DENND1B: variants seen among roughly 807,000 people sequenced by gnomAD.
DENND1B encodes the protein DENN domain-containing protein 1B.
In DENND1B, 59 loss-of-function variants were observed where a neutral mutation model predicts 90.1. The ratio of observed to expected loss-of-function variants is 0.65; its 90% CI spans 0.53 to 0.81. The LOEUF is 0.81. DENND1B is among the 40% of genes least tolerant of loss of function. The pLI, the probability that DENND1B is intolerant of heterozygous loss-of-function variation, is 0.00. For synonymous variants in DENND1B, 337 were observed against 324.6 expected, an observed-to-expected ratio of 1.04 and a Z score of -0.41; for missense variants, 862 against 912.6, an observed-to-expected ratio of 0.94 and a Z score of 0.71.
chr1:197,723,558 T>C (rs1463170506), intron 2 of DENND1B, among the ~76,000 whole-genome samples: 2 of 152,180 alleles, frequency 1.3e-5, no homozygotes, highest in African/African-American at 4.8e-5. Context: ...ATTTTTCAGA[T>C]ACTAATCATT....
At chr1:197,646,642 G>C (rs927709490) in intron 8 of DENND1B, among the ~76,000 whole-genome samples, 1 of 151,938 alleles carries the variant, frequency 6.6e-6, no homozygotes, top group South Asian at 2.1e-4. Flanking sequence ...AGTTGAACTA[G>C]TCAGAACAAG....
At chr1:197,626,777 G>C (rs571594557) in intron 10 of DENND1B, among the ~76,000 whole-genome samples, 1 of 151,798 alleles carries the variant, frequency 6.6e-6, no homozygotes, top group South Asian at 2.1e-4. Flanking sequence ...TTGATAGACC[G>C]CTAGCAAGAC....
intron 10 of DENND1B, among the ~76,000 whole-genome samples, chr1:197,623,421 C>T (rs752898472): frequency 4.0e-5 from 6 of 151,196 alleles, no homozygotes; most frequent in East Asian, 1.9e-4. Flanking sequence ...AGACCAAAAA[C>T]GGGAGCAGCA....
At position 197,506,590 on chromosome 1, in the gene DENND1B, A is replaced by G. The variant is rs543686286; in HGVS notation, c.*3870T>C. On this transcript the variant is annotated 3_prime_UTR_variant, in exon 23 of 23. Coordinates refer to ENST00000620048, the MANE Select transcript of DENND1B (RefSeq NM_001195215.2). ...ATTTTCTACAAGAGAATGAAGGTCT[A>G]TTGATTATGAGACATTCACAGTGTT... The G allele has an allele frequency of 2.0e-5, 3 of 151,648 alleles. No individual in the cohort carries two copies. The highest frequency in any genetic ancestry group is 4.1e-4 in the South Asian group (2 of 4,826). The allele number at this position is 151,648 out of a possible 1,614,324, so 9.4% of individuals were successfully genotyped here. A position where few individuals can be genotyped will look rare whatever the true frequency, so the allele number is the denominator to read the frequency against.
chr1:197,551,192 A>G (rs1443503539), intron 16 of DENND1B, among the ~76,000 whole-genome samples: 1 of 151,960 alleles, frequency 6.6e-6, no homozygotes, highest in Non-Finnish European at 1.5e-5. Flanking sequence ...TTTTATTTCA[A>G]ATCCTAACAC....
chr1:197,592,604 A>G (rs1160001006), intron 14 of DENND1B, among the ~76,000 whole-genome samples: 1 of 152,198 alleles, frequency 6.6e-6, no homozygotes. Flanking sequence ...GTTGCCAGGA[A>G]GAAAGAACAC....
At chr1:197,567,811 C>T (rs548162092) in intron 15 of DENND1B, among the ~76,000 whole-genome samples, 1 of 152,128 alleles carries the variant, frequency 6.6e-6, no homozygotes, top group South Asian at 2.1e-4. Flanking sequence ...ATTTATCTCA[C>T]CACAATAAAA....
intron 15 of DENND1B, among the ~76,000 whole-genome samples, chr1:197,566,207 T>C (rs1460992099): frequency 5.3e-5 from 8 of 152,166 alleles, no homozygotes; most frequent in South Asian, 4.2e-4. Context: ...TGGTATCTCA[T>C]TGTGGTTTTT....
intron 13 of DENND1B, among the ~76,000 whole-genome samples, chr1:197,605,169 T>C (rs1200113607): frequency 2.0e-5 from 3 of 151,198 alleles, no homozygotes; most frequent in African/African-American, 7.2e-5. Flanking sequence ...TTGTCATTTA[T>C]GAGTAAATAA....
At chr1:197,615,906 C>T (rs1448242031) in intron 11 of DENND1B, among the ~76,000 whole-genome samples, 1 of 150,746 alleles carries the variant, frequency 6.6e-6, no homozygotes, top group Non-Finnish European at 1.5e-5. Context: ...AAAGAAAATT[C>T]CAGGGACTGA....
At chr1:197,695,129 G>C (rs1658299331) in intron 3 of DENND1B, among the ~76,000 whole-genome samples, 1 of 151,106 alleles carries the variant, frequency 6.6e-6, no homozygotes, top group Admixed American at 6.6e-5. Flanking sequence ...GTTTTGCCTT[G>C]AGCTTCCTAA....
At chr1:197,584,425 G>A (rs959054591) in intron 14 of DENND1B, among the ~76,000 whole-genome samples, 2 of 152,074 alleles carry the variant, frequency 1.3e-5, no homozygotes, top group Admixed American at 6.6e-5. Context: ...AGCCACATTT[G>A]AACCGCTCAA....
At chr1:197,629,319 C>T (rs935358408) in intron 10 of DENND1B, among the ~76,000 whole-genome samples, 7 of 152,008 alleles carry the variant, frequency 4.6e-5, no homozygotes, top group Non-Finnish European at 8.8e-5. Flanking sequence ...AAATGTGGCA[C>T]ATATACACCA....
intron 2 of DENND1B, among the ~76,000 whole-genome samples, chr1:197,739,537 T>C (rs544246899): frequency 6.6e-6 from 1 of 151,784 alleles, no homozygotes; most frequent in East Asian, 1.9e-4. Context: ...AACCCAACGG[T>C]CAAAGAAGAA....
chr1:197,560,208 G>T (rs1355048816), intron 15 of DENND1B, among the ~76,000 whole-genome samples: 1 of 151,814 alleles, frequency 6.6e-6, no homozygotes, highest in African/African-American at 2.4e-5. Context: ...ATGATCACCA[G>T]ACCAAAAGAA....
At chr1:197,669,356 C>T (rs562188118) in intron 5 of DENND1B, among the ~76,000 whole-genome samples, 6 of 152,126 alleles carry the variant, frequency 3.9e-5, no homozygotes, top group East Asian at 1.9e-4. Flanking sequence ...TGGATAAACT[C>T]GGACTAAAAG....
At position 197,569,866 on chromosome 1, in the gene DENND1B, A is replaced by G. The variant is rs960665903; in HGVS notation, c.1149+13286T>C. On this transcript the variant is annotated intron_variant, in intron 15 of 22. Coordinates refer to ENST00000620048, the MANE Select transcript of DENND1B (RefSeq NM_001195215.2). ...AACATGGAGAGTACAGTTAATAACT[A>G]TAATGTATAGTTAGTAACTATGTAT... Among the ~76,000 whole-genome samples the G allele has an allele frequency of 2.0e-5, 3 of 152,160 alleles. No individual in the cohort carries two copies. The South Asian group carries it at 6.2e-4, about 31-fold the overall frequency.
intron 10 of DENND1B, among the ~76,000 whole-genome samples, chr1:197,629,444 G>A (rs1164899820): frequency 4.1e-5 from 6 of 145,710 alleles, no homozygotes; most frequent in African/African-American, 7.6e-5. Context: ...ACCAAACACC[G>A]CATGTTCTCA....
intron 2 of DENND1B, among the ~76,000 whole-genome samples, chr1:197,720,003 T>TA (rs1661008170): frequency 2.6e-5 from 4 of 152,184 alleles, no homozygotes; most frequent in African/African-American, 9.7e-5. Context: ...CAATGCTTTC[T>TA]GTGTATGATC....
Sources: allele counts gnomAD v4.1 joint callset (sites outside exome capture counted in the v4.1 genomes callset), GRCh38; gene constraint gnomAD v4.1.1; transcripts MANE v1.5; gene names NCBI Gene and HGNC (gene_info 2026-07-23, HGNC 2026-07-21).